ADGRL3: variants seen among roughly 807,000 people sequenced by gnomAD.
The protein encoded by ADGRL3 is adhesion G protein-coupled receptor L3.
ADGRL3 carries 62 observed loss-of-function variants against 153.5 expected under a neutral mutation model. The ratio of observed to expected loss-of-function variants is 0.40; its 90% CI spans 0.33 to 0.50. ADGRL3 has a LOEUF of 0.50. ADGRL3 is among the 20% of genes least tolerant of loss of function. The probability of loss-of-function intolerance (pLI) is 0.47; values close to 1 mark genes in which losing one functional copy is unlikely to be tolerated. For synonymous variants in ADGRL3, 710 were observed against 672.5 expected, an observed-to-expected ratio of 1.06 and a Z score of -0.86; for missense variants, 1,641 against 1,859.4, an observed-to-expected ratio of 0.88 and a Z score of 2.16.
chr4:61,728,248 C>T (rs534694556), intron 6 of ADGRL3, among the ~76,000 whole-genome samples: 2 of 152,050 alleles, frequency 1.3e-5, no homozygotes, highest in Non-Finnish European at 2.9e-5. Flanking sequence ...CTCCAAAGCA[C>T]AACAGCCTAA....
rs1746440157 is a variant in ADGRL3 at position 62,074,089 on chromosome 4, T to C, written c.*3181T>C. The C allele has an allele frequency of 7.0e-6, 1 of 143,718 alleles. No homozygotes were observed. Among genetic ancestry groups the C allele is most frequent in the South Asian group, 2.2e-4 (1 of 4,612 alleles). The allele number at this position is 143,718 out of a possible 1,614,324, so 8.9% of individuals were successfully genotyped here. A position where few individuals can be genotyped will look rare whatever the true frequency, so the allele number is the denominator to read the frequency against. On this transcript the variant is annotated 3_prime_UTR_variant, in exon 27 of 27. Transcript: ENST00000683033. ...ATTGATGAATTAATTAATGATTTTTTAATTGTTCTTTTTTCTACCACCTTT... is the reference window on the plus strand; with the variant it reads ...ATTGATGAATTAATTAATGATTTTTCAATTGTTCTTTTTTCTACCACCTTT...
chr4:62,028,223 T>C (rs1339194175), intron 21 of ADGRL3, among the ~76,000 whole-genome samples: 1 of 151,888 alleles, frequency 6.6e-6, no homozygotes, highest in Non-Finnish European at 1.5e-5. Context: ...ATTAAAAAAT[T>C]AGTAAACATA....
intron 2 of ADGRL3, among the ~76,000 whole-genome samples, chr4:61,411,068 T>C (rs1359130631): frequency 6.6e-6 from 1 of 152,182 alleles, no homozygotes; most frequent in African/African-American, 2.4e-5. Context: ...ACCCCAAGTG[T>C]TGATTTTTGA....
chr4:61,314,296 G>A (rs1231138095), intron 1 of ADGRL3, among the ~76,000 whole-genome samples: 1 of 149,556 alleles, frequency 6.7e-6, no homozygotes. Flanking sequence ...CATAACCTCC[G>A]CCTCCTGGGT....
chr4:61,638,424 TG>T (rs2093522341), intron 5 of ADGRL3, among the ~76,000 whole-genome samples: 1 of 152,230 alleles, frequency 6.6e-6, no homozygotes, highest in East Asian at 1.9e-4. Flanking sequence ...CATAGTGGTG[TG>T]GGTTAAATGA....
intron 1 of ADGRL3, among the ~76,000 whole-genome samples, chr4:61,305,261 A>C (rs2094735525): frequency 6.6e-6 from 1 of 152,162 alleles, no homozygotes. Flanking sequence ...TCCTTGGAAG[A>C]ATGAATTTCA....
intron 1 of ADGRL3, among the ~76,000 whole-genome samples, chr4:61,376,533 G>A (rs1371439316): frequency 2.6e-5 from 4 of 152,044 alleles, no homozygotes; most frequent in African/African-American, 9.7e-5. Context: ...TACTTGTAAT[G>A]CAGAAGTATT....
At chr4:61,494,256 C>T (rs1381978704) in intron 2 of ADGRL3, among the ~76,000 whole-genome samples, 1 of 151,986 alleles carries the variant, frequency 6.6e-6, no homozygotes, top group East Asian at 1.9e-4. Context: ...GCTATATATA[C>T]ATTTACTTTC....
intron 9 of ADGRL3, among the ~76,000 whole-genome samples, chr4:61,830,539 A>G (rs951109445): frequency 3.9e-5 from 6 of 152,184 alleles, no homozygotes; most frequent in Non-Finnish European, 7.3e-5. Flanking sequence ...TGAAGTTACT[A>G]TCTATGAAAA....
intron 9 of ADGRL3, among the ~76,000 whole-genome samples, chr4:61,875,695 G>A (rs1045948499): frequency 3.3e-5 from 5 of 152,168 alleles, no homozygotes; most frequent in African/African-American, 1.2e-4. Flanking sequence ...TGATTACATT[G>A]AATTTTTTTA....
At chr4:61,210,889 G>T (rs1486645125) in intron 1 of ADGRL3, among the ~76,000 whole-genome samples, 1 of 152,086 alleles carries the variant, frequency 6.6e-6, no homozygotes, top group African/African-American at 2.4e-5. Context: ...GTTGTCTAAG[G>T]AGTTTTAATT....
intron 1 of ADGRL3, among the ~76,000 whole-genome samples, chr4:61,231,784 G>A (rs1313638502): frequency 2.0e-5 from 3 of 152,008 alleles, no homozygotes; most frequent in African/African-American, 4.8e-5. Flanking sequence ...CTCCCGGCAC[G>A]TGGTAAGTAC....
intron 1 of ADGRL3, among the ~76,000 whole-genome samples, chr4:61,348,772 T>C (rs2095979659): frequency 1.3e-5 from 2 of 152,052 alleles, no homozygotes; most frequent in Non-Finnish European, 2.9e-5. Context: ...CTGGAAGACC[T>C]GACAATCTGA....
chr4:61,899,463 T>A (rs1425878654), intron 11 of ADGRL3, among the ~76,000 whole-genome samples: 1 of 152,154 alleles, frequency 6.6e-6, no homozygotes, highest in Non-Finnish European at 1.5e-5. Flanking sequence ...AATTTCAAAC[T>A]TGTAAAGCAA....
chr4:61,367,388 T>G lies in ADGRL3; in HGVS notation c.-239-15736T>G, dbSNP rs1356543308. On this transcript the variant is annotated intron_variant, in intron 1 of 26. Coordinates refer to ENST00000683033, the MANE Select transcript of ADGRL3 (RefSeq NM_001387552.1). ...ATCTCCCAATGCTATCCCTCCCCACTCCCCCCACCCCACAACAGTCCCCAG... is the reference window on the plus strand; with the variant it reads ...ATCTCCCAATGCTATCCCTCCCCACGCCCCCCACCCCACAACAGTCCCCAG... Among the ~76,000 whole-genome samples the G allele has an allele frequency of 2.1e-5, 3 of 139,990 alleles. No homozygotes were observed. In the East Asian group the frequency reaches 7.3e-4, roughly 34 times the overall value. The allele number at this position is 139,990 out of a possible 152,430, so 91.8% of individuals were successfully genotyped here. A position where few individuals can be genotyped will look rare whatever the true frequency, so the allele number is the denominator to read the frequency against.
chr4:61,525,552 G>A (rs911028325), intron 4 of ADGRL3, among the ~76,000 whole-genome samples: 1 of 152,124 alleles, frequency 6.6e-6, no homozygotes, highest in Non-Finnish European at 1.5e-5. Flanking sequence ...TTTAGAACCT[G>A]CTACAATTGT....
At chr4:61,242,767 A>G (rs1030047646) in intron 1 of ADGRL3, among the ~76,000 whole-genome samples, 3 of 152,142 alleles carry the variant, frequency 2.0e-5, no homozygotes, top group Admixed American at 6.6e-5. Context: ...TTTGTTGGGT[A>G]AATAGAATAT....
rs11318944 is a variant in ADGRL3 at position 61,720,036 on chromosome 4, AT to A, written c.584-10585del. Among the ~76,000 whole-genome samples, 768 of 146,654 alleles carry A rather than the reference AT, an allele frequency of 5.2e-3. 8 individuals are homozygous for A. Among genetic ancestry groups the A allele is most frequent in the African/African-American group, 0.015 (597 of 41,054 alleles). ...GAAAAGCAATGTAATCTGAAAAGAG[AT>A]CTTAAATAGATGACTCTGAGAAGAG... On this transcript the variant is annotated intron_variant, in intron 6 of 26. Coordinates refer to ENST00000683033, the MANE Select transcript of ADGRL3 (RefSeq NM_001387552.1).
intron 5 of ADGRL3, among the ~76,000 whole-genome samples, chr4:61,643,255 C>G (rs1310370819): frequency 6.6e-6 from 1 of 151,922 alleles, no homozygotes; most frequent in Non-Finnish European, 1.5e-5. Context: ...TTGACTTCCT[C>G]TTTTCCTAAT....
Sources: gnomAD v4.1 joint callset for allele counts (sites outside exome capture counted in the v4.1 genomes callset) on GRCh38, gnomAD v4.1.1 for gene constraint, MANE v1.5 for transcripts, NCBI Gene and HGNC (gene_info 2026-07-23, HGNC 2026-07-21) for gene names.